RIMS2: variants seen among roughly 807,000 people sequenced by gnomAD.
RIMS2 encodes regulating synaptic membrane exocytosis protein 2.
A neutral mutation model predicts 174.4 loss-of-function variants in RIMS2; 59 were observed. The observed-to-expected ratio is 0.34, with a 90% confidence interval of 0.27 to 0.42. The LOEUF (loss-of-function observed/expected upper bound fraction) is 0.42. RIMS2 is among the 10% of genes least tolerant of loss of function. The pLI is 1.00. For synonymous variants in RIMS2, 606 were observed against 572.5 expected, an observed-to-expected ratio of 1.06 and a Z score of -0.84; for missense variants, 1,620 against 1,666.3, an observed-to-expected ratio of 0.97 and a Z score of 0.48.
intron 1 of RIMS2, among the ~76,000 whole-genome samples, chr8:103,533,742 T>C (rs1486644438): frequency 1.3e-5 from 2 of 151,742 alleles, no homozygotes; most frequent in African/African-American, 4.8e-5. Flanking sequence ...AAAGTCTTAG[T>C]TGGACAACTT....
intron 1 of RIMS2, among the ~76,000 whole-genome samples, chr8:103,647,896 A>ATTTTT (rs71297225): frequency 1.7e-5 from 2 of 114,576 alleles, no homozygotes; most frequent in African/African-American, 6.1e-5. Context: ...TTTTTTTTTG[A>ATTTTT]TTTTTTTTTT....
intron 19 of RIMS2, among the ~76,000 whole-genome samples, chr8:104,088,298 G>A (rs1450825435): frequency 1.3e-5 from 2 of 151,878 alleles, no homozygotes; most frequent in East Asian, 1.9e-4. Flanking sequence ...ACAGGATGAC[G>A]AAAATGCACA....
intron 4 of RIMS2, among the ~76,000 whole-genome samples, chr8:103,888,415 C>T (rs1457243173): frequency 6.6e-6 from 1 of 151,166 alleles, no homozygotes; most frequent in African/African-American, 2.4e-5. Flanking sequence ...AGCTGTAGTA[C>T]TTCCTTAAGT....
chr8:104,126,602 C>A (rs1246203996), intron 19 of RIMS2, among the ~76,000 whole-genome samples: 2 of 152,092 alleles, frequency 1.3e-5, no homozygotes, highest in Admixed American at 6.6e-5. Flanking sequence ...AAAATAGGAA[C>A]AATTACCTAA....
intron 3 of RIMS2, among the ~76,000 whole-genome samples, chr8:103,819,900 C>T (rs1341169600): frequency 6.6e-6 from 1 of 151,972 alleles, no homozygotes; most frequent in Non-Finnish European, 1.5e-5. Flanking sequence ...TTTCTAGATA[C>T]ATAAAATGAC....
intron 19 of RIMS2, among the ~76,000 whole-genome samples, chr8:104,121,631 A>G (rs921167332): frequency 6.6e-6 from 1 of 152,158 alleles, no homozygotes; most frequent in African/African-American, 2.4e-5. Flanking sequence ...TATTTAATAA[A>G]TATCTTTTGA....
chr8:104,119,215 C>G (rs990642315), intron 19 of RIMS2, among the ~76,000 whole-genome samples: 5 of 151,668 alleles, frequency 3.3e-5, no homozygotes, highest in South Asian at 2.1e-4. Context: ...CAAAAATTAG[C>G]TGGGCCTGGC....
chr8:103,635,879 G>A (rs2096063617), intron 1 of RIMS2, among the ~76,000 whole-genome samples: 1 of 151,880 alleles, frequency 6.6e-6, no homozygotes, highest in Non-Finnish European at 1.5e-5. Context: ...TGTACTAGGG[G>A]GAATTTAGAT....
chr8:103,828,634 T>G (rs2098806184), intron 3 of RIMS2, among the ~76,000 whole-genome samples: 1 of 152,170 alleles, frequency 6.6e-6, no homozygotes, highest in Non-Finnish European at 1.5e-5. Flanking sequence ...AGCCTTTATG[T>G]CATGAAACCT....
intron 14 of RIMS2, among the ~76,000 whole-genome samples, chr8:103,953,047 G>A (rs1349670610): frequency 6.6e-6 from 1 of 151,972 alleles, no homozygotes; most frequent in Non-Finnish European, 1.5e-5. Flanking sequence ...AATAAAACAA[G>A]ATTAAAGGAA....
chr8:103,801,414 T>G (rs2098607021), intron 3 of RIMS2, among the ~76,000 whole-genome samples: 1 of 152,250 alleles, frequency 6.6e-6, no homozygotes, highest in African/African-American at 2.4e-5. Flanking sequence ...GTAGCTATAT[T>G]TATTCTAGGG....
Position 103,924,275 on chromosome 8 carries a change from G to A in RIMS2, c.2196+2491G>A, listed in dbSNP as rs1349912570. Among the ~76,000 whole-genome samples, 3 of 151,610 alleles carry A rather than the reference G, an allele frequency of 2.0e-5. No individual in the cohort carries two copies. The East Asian group carries it at 5.8e-4, about 29-fold the overall frequency. On this transcript the variant is annotated intron_variant, in intron 10 of 23. Coordinates refer to ENST00000504942, the Ensembl canonical transcript of RIMS2. ...CATCTACTTAAGAAATATATGTTAA[G>A]TTTTGACCCCCACATCAGGTATAGT...
chr8:104,061,124 T>A (rs1231825480), intron 19 of RIMS2, among the ~76,000 whole-genome samples: 1 of 152,186 alleles, frequency 6.6e-6, no homozygotes, highest in Non-Finnish European at 1.5e-5. Context: ...CTGGATATCC[T>A]TGTTAACTTT....
rs115882677 is a variant in RIMS2, at chr8:104,092,246, G to A, written c.3334+77631G>A. Among the ~76,000 whole-genome samples the A allele has an allele frequency of 4.2e-3, 640 of 151,712 alleles. 6 individuals are homozygous for A. The highest frequency in any genetic ancestry group is 0.015 in the African/African-American group (613 of 41,468). ...CTTGCAATGAATTGTCATTCGTGGG[G>A]GATTGTTTATTAAGTAATTATTCTT... is the stretch of plus-strand genomic sequence containing the variant. On this transcript the variant is annotated intron_variant, in intron 19 of 23. Transcript: ENST00000504942.
At chr8:103,603,615 C>T (rs2094880862) in intron 1 of RIMS2, among the ~76,000 whole-genome samples, 1 of 151,604 alleles carries the variant, frequency 6.6e-6, no homozygotes, top group Non-Finnish European at 1.5e-5. Flanking sequence ...GTCCCACCAA[C>T]AGTGTAAAAG....
intron 2 of RIMS2, among the ~76,000 whole-genome samples, chr8:103,752,040 A>G (rs2097900184): frequency 6.6e-6 from 1 of 152,162 alleles, no homozygotes; most frequent in Non-Finnish European, 1.5e-5. Flanking sequence ...CTGTGTCCTG[A>G]ATGGTAATGC....
At chr8:103,511,557 A>G (rs984082495) in intron 1 of RIMS2, among the ~76,000 whole-genome samples, 9 of 152,194 alleles carry the variant, frequency 5.9e-5, no homozygotes, top group African/African-American at 1.9e-4. Flanking sequence ...AAAGATGCAC[A>G]GTAGTGTATG....
At chr8:103,850,402 C>G (rs1009729717) in intron 3 of RIMS2, among the ~76,000 whole-genome samples, 4 of 151,924 alleles carry the variant, frequency 2.6e-5, no homozygotes, top group African/African-American at 9.7e-5. Context: ...CCATCATGAT[C>G]AGAGTCCCCA....
intron 1 of RIMS2, among the ~76,000 whole-genome samples, chr8:103,536,148 G>T (rs768429606): frequency 6.6e-6 from 1 of 152,144 alleles, no homozygotes; most frequent in Admixed American, 6.5e-5. Context: ...TATTTTCTGG[G>T]AATGGAAACT....
Sources: gnomAD v4.1 joint callset for allele counts (sites outside exome capture counted in the v4.1 genomes callset) on GRCh38, gnomAD v4.1.1 for gene constraint, MANE v1.5 for transcripts, NCBI Gene and HGNC (gene_info 2026-07-23, HGNC 2026-07-21) for gene names.